The following FGF1 variants were observed in gnomAD, a reference collection of about 807,000 sequenced individuals.
FGF1 encodes fibroblast growth factor 1.
In FGF1, 9 loss-of-function variants were observed where a neutral mutation model predicts 13.4. That is an observed-to-expected ratio of 0.67 (90% confidence interval 0.40 to 1.17). The LOEUF is 1.17. Ranked by LOEUF, FGF1 falls within the 50% of genes most tolerant of loss-of-function variation. The pLI, the probability that FGF1 is intolerant of heterozygous loss-of-function variation, is 0.01. For synonymous variants in FGF1, 93 were observed against 79.0 expected (o/e 1.18, Z -0.94); for missense variants, 156 against 192.7 (o/e 0.81, Z 1.13).
intron 2 of FGF1, among the ~76,000 whole-genome samples, chr5:142,604,783 C>T (rs939980445): frequency 6.6e-6 from 1 of 152,174 alleles, no homozygotes. Flanking sequence ...GACCAGACCC[C>T]AGGTCGAGTA....
chr5:142,606,477 G>T (rs974871657), intron 2 of FGF1, among the ~76,000 whole-genome samples: 6 of 151,462 alleles, frequency 4.0e-5, no homozygotes, highest in Non-Finnish European at 5.9e-5. Context: ...AAAAAAATTA[G>T]CCAGATGTGT....
rs17217527 is a variant in FGF1 at position 142,596,250 on chromosome 5, G to C, written c.274-766C>G. Among the ~76,000 whole-genome samples the C allele has an allele frequency of 3.2e-3, 484 of 152,248 alleles. 3 individuals carry two copies. Among genetic ancestry groups the C allele is most frequent in the African/African-American group, 0.011 (442 of 41,548 alleles). ...TTTGGGAGGCTGAGGCAGGAGGATT[G>C]CTTGAGCCCAGGAGTTTGAGGCCAG... On this transcript the variant is annotated intron_variant, in intron 3 of 3. Coordinates refer to ENST00000337706, the MANE Select transcript of FGF1 (RefSeq NM_000800.5).
intron 2 of FGF1, among the ~76,000 whole-genome samples, chr5:142,697,406 T>C (rs1753301140): frequency 6.6e-6 from 1 of 152,140 alleles, no homozygotes; most frequent in Admixed American, 6.5e-5. Flanking sequence ...CCTACCCAGT[T>C]CTTTCTGGGA....
At chr5:142,606,196 A>G (rs985181193) in intron 2 of FGF1, among the ~76,000 whole-genome samples, 1 of 143,982 alleles carries the variant, frequency 6.9e-6, no homozygotes, top group South Asian at 2.3e-4. Context: ...AAAGCACAAA[A>G]TCTGCAACAT....
chr5:142,646,055 C>T (rs1261116233), intron 1 of FGF1, among the ~76,000 whole-genome samples: 1 of 151,572 alleles, frequency 6.6e-6, no homozygotes, highest in East Asian at 2.0e-4. Context: ...ACTACAGGCG[C>T]CTGCCACCAC....
chr5:142,652,504 G>C lies in FGF1; in HGVS notation c.-35+33453C>G, dbSNP rs192548339. Among the ~76,000 whole-genome samples the C allele has an allele frequency of 2.0e-5, 3 of 151,988 alleles. No individual in the cohort carries two copies. In the East Asian group the frequency reaches 5.8e-4, roughly 29 times the overall value. On this transcript the variant is annotated intron_variant, in intron 1 of 3. Transcript: ENST00000337706. ...TTCCTGTGTAGGTCATCCCATTCAA[G>C]GCCCCTCACAAGGACCCTGTGAGCT...
At chr5:142,633,627 T>C (rs552125800) in intron 1 of FGF1, among the ~76,000 whole-genome samples, 1 of 152,298 alleles carries the variant, frequency 6.6e-6, no homozygotes, top group Non-Finnish European at 1.5e-5. Context: ...GGCCTGTGAC[T>C]CTTGCCGGAG....
chr5:142,638,462 T>A (rs1007280033), intron 1 of FGF1, among the ~76,000 whole-genome samples: 1 of 152,070 alleles, frequency 6.6e-6, no homozygotes, highest in Non-Finnish European at 1.5e-5. Context: ...TTATCCCATG[T>A]CTAGCATAAG....
At chr5:142,678,908 A>G (rs1427119846) in intron 1 of FGF1, among the ~76,000 whole-genome samples, 1 of 152,106 alleles carries the variant, frequency 6.6e-6, no homozygotes, top group Non-Finnish European at 1.5e-5. Context: ...TCTGTTGAGG[A>G]AGGACTATGG....
At chr5:142,598,224 G>A (rs76031200) in intron 3 of FGF1, among the ~76,000 whole-genome samples, 22 of 152,258 alleles carry the variant, frequency 1.4e-4, no homozygotes, top group Admixed American at 7.8e-4. Context: ...GTTCTGTGAC[G>A]AAGGTGAGGA....
chr5:142,646,353 C>T (rs997703287), intron 1 of FGF1, among the ~76,000 whole-genome samples: 1 of 151,444 alleles, frequency 6.6e-6, no homozygotes, highest in Non-Finnish European at 1.5e-5. Flanking sequence ...GCCACCGTGC[C>T]CAGCTAATTT....
chr5:142,691,900 G>T (rs1170910270), intron 2 of FGF1, among the ~76,000 whole-genome samples: 1 of 152,138 alleles, frequency 6.6e-6, no homozygotes, highest in Non-Finnish European at 1.5e-5. Context: ...TTTGTTTTCA[G>T]TTTATCATTT....
At chr5:142,629,510 C>T (rs1762986801) in intron 1 of FGF1, among the ~76,000 whole-genome samples, 1 of 152,244 alleles carries the variant, frequency 6.6e-6, no homozygotes, top group African/African-American at 2.4e-5. Flanking sequence ...GAGCATTTGC[C>T]TCCAAATCTA....
chr5:142,610,293 C>A (rs1172537332), intron 2 of FGF1, among the ~76,000 whole-genome samples: 1 of 152,200 alleles, frequency 6.6e-6, no homozygotes, highest in Non-Finnish European at 1.5e-5. Flanking sequence ...GGACATTTTA[C>A]CAAGTGGCAG....
rs188546729 is a variant in FGF1, at chr5:142,611,934, C to T, written c.169+2025G>A. 1.4e-4 allele frequency among the ~76,000 whole-genome samples: 21 copies of T among 152,298 alleles called. No individual in the cohort carries two copies. The East Asian group carries it at 3.9e-3, about 28-fold the overall frequency. Reference sequence around the variant, plus strand: ...ATGATAACTGCAATATGAACCAACACGTGCTGTGCTGTTCCTCTGTGCCAG... The same window carrying T: ...ATGATAACTGCAATATGAACCAACATGTGCTGTGCTGTTCCTCTGTGCCAG... On this transcript the variant is annotated intron_variant, in intron 2 of 3. Coordinates refer to ENST00000337706, the MANE Select transcript of FGF1 (RefSeq NM_000800.5).
chr5:142,595,819 G>A (rs373858228), intron 3 of FGF1, among the ~76,000 whole-genome samples: 16 of 152,204 alleles, frequency 1.1e-4, no homozygotes, highest in East Asian at 5.8e-4. Context: ...GGGACATTCT[G>A]CTCGACTGTA....
intron 1 of FGF1, among the ~76,000 whole-genome samples, chr5:142,655,107 C>T (rs1561679668): frequency 6.6e-6 from 1 of 152,218 alleles, no homozygotes; most frequent in South Asian, 2.1e-4. Flanking sequence ...CGAATGGTGC[C>T]TTTCAAGAAG....
At chr5:142,613,427 A>G (rs751168492) in intron 2 of FGF1, among the ~76,000 whole-genome samples, 2 of 152,260 alleles carry the variant, frequency 1.3e-5, no homozygotes, top group Non-Finnish European at 2.9e-5. Context: ...TGGTTACCAC[A>G]GCCACATCTG....
chr5:142,608,542 CTATA>C (rs369107817), intron 2 of FGF1, among the ~76,000 whole-genome samples: 6,774 of 74,602 alleles, frequency 0.091, 391 homozygotes, highest in Non-Finnish European at 0.12. Flanking sequence ...ATATACACAT[CTATA>C]TATATATATA....
Sources: allele counts gnomAD v4.1 joint callset (sites outside exome capture counted in the v4.1 genomes callset), GRCh38; gene constraint gnomAD v4.1.1; transcripts MANE v1.5; gene names NCBI Gene and HGNC (gene_info 2026-07-23, HGNC 2026-07-21).